Variants in VAV1 observed in about 807,000 individuals in gnomAD.
The protein encoded by VAV1 is vav guanine nucleotide exchange factor 1.
Under a neutral mutation model 128.1 loss-of-function variants are expected in VAV1, and 33 were observed. The observed-to-expected ratio is 0.26, with a 90% confidence interval of 0.20 to 0.34. VAV1 has a LOEUF of 0.34. Among genes scored for constraint, VAV1 ranks in the 10% least tolerant of loss-of-function variants. The pLI is 1.00. For synonymous variants in VAV1, 394 were observed against 409.8 expected (o/e 0.96, Z 0.47); for missense variants, 715 against 1,093.7 (o/e 0.65, Z 4.88).
intron 1 of VAV1, chr19:6,816,514 CACAG>C: frequency 6.6e-6 from 1 of 150,918 alleles, no homozygotes; most frequent in African/African-American, 2.5e-5. Context: ...CTCACACGCA[CACAG>C]ACACATACGC....
intron 7 of VAV1, 65 bp from the exon 8 acceptor site, chr19:6,825,238 C>T (rs910289433): frequency 5.7e-6 from 9 of 1,580,408 alleles, no homozygotes; most frequent in Non-Finnish European, 7.8e-6. Context: ...GGTGGATGAC[C>T]CTTTCCTTCC....
At chr19:6,774,690 C>G (rs1970583330) in intron 1 of VAV1, among the ~76,000 whole-genome samples, 1 of 151,908 alleles carries the variant, frequency 6.6e-6, no homozygotes, top group Admixed American at 6.6e-5. Flanking sequence ...CCACCTCGGC[C>G]TTCCAAAGTG....
chr19:6,814,667 C>T (rs199700014), intron 1 of VAV1, among the ~76,000 whole-genome samples: 2,514 of 24,030 alleles, frequency 0.1, 35 homozygotes, highest in Non-Finnish European at 0.12. Flanking sequence ...TTCCTTCCTT[C>T]CTTCCTTTCT....
chr19:6,795,320 C>G lies in VAV1; in HGVS notation c.204+22309C>G, dbSNP rs150084540. On this transcript the variant is annotated intron_variant, in intron 1 of 26. Coordinates refer to ENST00000602142, the MANE Select transcript of VAV1 (RefSeq NM_005428.4). ...AGTCATTAACCAATCAGGTTAATGA[C>G]CTACATGAACCTTGAGCAAATGACC... is the stretch of plus-strand genomic sequence containing the variant. Among the ~76,000 whole-genome samples, 16 of 152,036 alleles carry G rather than the reference C, an allele frequency of 1.1e-4. No homozygotes were observed. The East Asian group carries it at 2.7e-3, about 26-fold the overall frequency.
chr19:6,810,875 T>C (rs1348440233), intron 1 of VAV1, among the ~76,000 whole-genome samples: 2 of 152,132 alleles, frequency 1.3e-5, no homozygotes, highest in African/African-American at 4.8e-5. Context: ...CCTGTTAAGT[T>C]TGAGGTGCCC....
rs1568315551 is a variant in VAV1 at position 6,843,179 on chromosome 19, A to G, written c.2012+13A>G. 2 of 1,613,948 alleles carry G rather than the reference A, an allele frequency of 1.2e-6. No individual in the cohort carries two copies. Among genetic ancestry groups the G allele is most frequent in the South Asian group, 2.2e-5 (2 of 91,074 alleles). ...CTGTTCATCTCTGGTGAGTAGAAACATTTATTTTTGTTTCAATGAGAGGTT... is the reference window on the plus strand; with the variant it reads ...CTGTTCATCTCTGGTGAGTAGAAACGTTTATTTTTGTTTCAATGAGAGGTT... On this transcript the variant is annotated intron_variant, in intron 22 of 26. Transcript: ENST00000602142.
At chr19:6,805,673 T>G (rs1971381724) in intron 1 of VAV1, among the ~76,000 whole-genome samples, 1 of 151,776 alleles carries the variant, frequency 6.6e-6, no homozygotes. Flanking sequence ...CCACATTACA[T>G]TTATTGTTCA....
chr19:6,820,622 C>T lies in VAV1; in HGVS notation c.205-80C>T. On this transcript the variant is annotated intron_variant, in intron 1 of 26. Transcript: ENST00000602142. This position sits in a 1 kb window ranked among gnomAD's most constrained non-coding sequence, Gnocchi z 4.4. The stretch of plus-strand genomic sequence containing the variant: ...CTTTCATTTCCCCTCCACACCAGTC[C>T]CCAAGCTAGGTGGCCTGGGGGTCAG... The T allele has an allele frequency of 1.8e-6, 2 of 1,142,758 alleles. No homozygotes were observed. Among genetic ancestry groups the T allele is most frequent in the Non-Finnish European group, 2.6e-6 (2 of 756,248 alleles). The allele number at this position is 1,142,758 out of a possible 1,614,324, so 70.8% of individuals were successfully genotyped here.
At chr19:6,812,643 T>G (rs1191358381) in intron 1 of VAV1, among the ~76,000 whole-genome samples, 1 of 152,054 alleles carries the variant, frequency 6.6e-6, no homozygotes, top group Non-Finnish European at 1.5e-5. Context: ...AGAGGGAGAC[T>G]CTATCTCAAA....
At chr19:6,838,427 CCATCCATCCATCTAT>C (rs944880270) in intron 21 of VAV1, among the ~76,000 whole-genome samples, 5 of 150,922 alleles carry the variant, frequency 3.3e-5, no homozygotes, top group African/African-American at 1.2e-4. Flanking sequence ...ATCCATCCAT[CCATCCATCCATCTAT>C]CATCTATCTA....
intron 21 of VAV1, 111 bp downstream of exon 21, chr19:6,837,161 A>G (rs909571804): frequency 8.9e-7 from 1 of 1,128,346 alleles, no homozygotes; most frequent in African/African-American, 1.5e-5. Flanking sequence ...GCTGCCCATC[A>G]TGGCAGGTCT....
rs878876108 is a variant in VAV1 at position 6,857,255 on chromosome 19, G to A, written c.*148G>A. 8.4e-5 allele frequency: 89 copies of A among 1,056,488 alleles called. No homozygotes were observed. The South Asian group carries it at 1.0e-3, about 12-fold the overall frequency. 65.4% of individuals were successfully genotyped at this position (1,056,488 alleles called of 1,614,324 possible). A position where few individuals can be genotyped will look rare whatever the true frequency, so the allele number is the denominator to read the frequency against. On this transcript the variant is annotated 3_prime_UTR_variant, in exon 27 of 27. Coordinates refer to ENST00000602142, the MANE Select transcript of VAV1 (RefSeq NM_005428.4). ...CCAGCGTCCAGCTGGCGGTGCTCCC[G>A]GGATGTGCCCTGACATGGTTAATTT...
intron 1 of VAV1, among the ~76,000 whole-genome samples, chr19:6,792,384 GAATGA>G (rs1971036635): frequency 6.6e-6 from 1 of 151,710 alleles, no homozygotes; most frequent in South Asian, 2.1e-4. Context: ...AAAAAAAAAG[GAATGA>G]AATGAAATGA....
chr19:6,796,242 AGTGTGTACTCG>A, intron 1 of VAV1, among the ~76,000 whole-genome samples: 1 of 152,268 alleles, frequency 6.6e-6, no homozygotes, highest in Non-Finnish European at 1.5e-5. Context: ...CTTGCTATTG[AGTGTGTACTCG>A]AGAGAGAGGT....
Position 6,850,763 on chromosome 19 carries a change from G to C in VAV1, c.2217+6G>C, listed in dbSNP as rs749366175. ...AGGCTTTCCGGGGGCTTACGGTAAG[G>C]GTCAATGTCCGCTCAATCCCAGCTT... is the stretch of plus-strand genomic sequence containing the variant. On this transcript the variant is annotated splice_donor_region_variant and intron_variant, in intron 24 of 26. Coordinates refer to ENST00000602142, the MANE Select transcript of VAV1 (RefSeq NM_005428.4). 1 of 1,613,740 alleles carries C rather than the reference G, an allele frequency of 6.2e-7. No individual in the cohort carries two copies. Among genetic ancestry groups the C allele is most frequent in the Non-Finnish European group, 8.5e-7 (1 of 1,179,822 alleles).
Position 6,828,959 on chromosome 19 carries a change from C to T in VAV1, c.1265+59C>T, listed in dbSNP as rs1377739991. On this transcript the variant is annotated intron_variant, in intron 13 of 26. Transcript: ENST00000602142. This position sits in a 1 kb window ranked among gnomAD's most constrained non-coding sequence, Gnocchi z 4.5. The stretch of plus-strand genomic sequence containing the variant: ...CTGGGCAAAGGGGTGGGACCAGGCT[C>T]CTAGATGGGCAGGTGGGTGGAGTCA... The T allele has an allele frequency of 3.1e-6, 5 of 1,591,682 alleles. No homozygotes were observed. Among genetic ancestry groups the T allele is most frequent in the East Asian group, 2.3e-5 (1 of 44,376 alleles).
At chr19:6,843,799 A>G (rs921092411) in intron 22 of VAV1, among the ~76,000 whole-genome samples, 16 of 151,858 alleles carry the variant, frequency 1.1e-4, no homozygotes, top group African/African-American at 3.6e-4. Flanking sequence ...CTGTTCTAAG[A>G]TGCATGGTTG....
chr19:6,793,282 C>T (rs953557109), intron 1 of VAV1, among the ~76,000 whole-genome samples: 3 of 151,646 alleles, frequency 2.0e-5, no homozygotes, highest in East Asian at 3.9e-4. Flanking sequence ...TGCAGTGAGC[C>T]GAGATCGCGC....
rs968928237 is a variant in VAV1 at position 6,825,203 on chromosome 19, G to A, written c.723+82G>A. On this transcript the variant is annotated intron_variant, in intron 7 of 26. Coordinates refer to ENST00000602142, the MANE Select transcript of VAV1 (RefSeq NM_005428.4). Reference sequence around the variant, plus strand: ...CCCTACCTCTCCCTGGAGTACGGGGGTTGGGAGTTGAGCGGCATGGGGCGG... The same window carrying A: ...CCCTACCTCTCCCTGGAGTACGGGGATTGGGAGTTGAGCGGCATGGGGCGG... The A allele has an allele frequency of 2.5e-6, 4 of 1,576,902 alleles. No homozygotes were observed. The African/African-American group carries it at 4.0e-5, about 16-fold the overall frequency.
Sources: allele counts gnomAD v4.1 joint callset (sites outside exome capture counted in the v4.1 genomes callset), GRCh38; gene constraint gnomAD v4.1.1; non-coding constraint Gnocchi (gnomAD v3.1); transcripts MANE v1.5; gene names NCBI Gene and HGNC (gene_info 2026-07-23, HGNC 2026-07-21).